The following MARCHF3 variants were observed in gnomAD, a reference collection of about 807,000 sequenced individuals.
MARCHF3 encodes the protein E3 ubiquitin-protein ligase MARCHF3.
A neutral mutation model predicts 24.2 loss-of-function variants in MARCHF3; 13 were observed. That is an observed-to-expected ratio of 0.54 (90% CI 0.35 to 0.85). The LOEUF (loss-of-function observed/expected upper bound fraction) is 0.85. Ranked by LOEUF, MARCHF3 falls within the 40% of genes least tolerant of loss-of-function variation. MARCHF3 has a pLI of 0.01. For synonymous variants in MARCHF3, 144 were observed against 137.3 expected, an observed-to-expected ratio of 1.05 and a Z score of -0.34; for missense variants, 276 against 325.0, an observed-to-expected ratio of 0.85 and a Z score of 1.16.
intron 1 of MARCHF3, among the ~76,000 whole-genome samples, chr5:127,012,394 AAACT>A (rs1752500675): frequency 6.6e-6 from 1 of 152,204 alleles, no homozygotes; most frequent in African/African-American, 2.4e-5. Context: ...AGTAAATTGA[AAACT>A]AACTAGCAAA....
chr5:126,985,708 C>A (rs988167076), intron 1 of MARCHF3, among the ~76,000 whole-genome samples: 25 of 152,240 alleles, frequency 1.6e-4, no homozygotes, highest in African/African-American at 6.0e-4. Flanking sequence ...ATCTCCTGAC[C>A]TCGTGATCCA....
At chr5:126,991,720 CA>C (rs112503606) in intron 1 of MARCHF3, among the ~76,000 whole-genome samples, 329 of 138,928 alleles carry the variant, frequency 2.4e-3, no homozygotes, top group Middle Eastern at 3.6e-3. Flanking sequence ...GATTCTATTT[CA>C]AAAAAAAAAA....
chr5:126,927,351 G>A (rs1749329106), intron 1 of MARCHF3, among the ~76,000 whole-genome samples: 1 of 152,216 alleles, frequency 6.6e-6, no homozygotes, highest in Non-Finnish European at 1.5e-5. Context: ...CTCTCTTGGT[G>A]ATGATACTTA....
intron 4 of MARCHF3, 79 bp downstream of exon 4, chr5:126,878,106 A>G (rs1168804499): frequency 2.1e-6 from 3 of 1,412,626 alleles, no homozygotes; most frequent in East Asian, 2.3e-5. Context: ...GATGTGTTAC[A>G]GACAAGAGGA....
chr5:126,898,877 A>AT (rs1258287414), intron 3 of MARCHF3: 20 of 981,374 alleles, frequency 2.0e-5, no homozygotes, highest in Non-Finnish European at 2.4e-5. Flanking sequence ...AAAACATTTC[A>AT]TTTTCTTCTT....
chr5:126,963,116 A>G (rs1195352578), intron 1 of MARCHF3, among the ~76,000 whole-genome samples: 3 of 152,138 alleles, frequency 2.0e-5, no homozygotes, highest in Non-Finnish European at 4.4e-5. Context: ...TTAGCCTAGT[A>G]TGCAGCACTG....
intron 1 of MARCHF3, among the ~76,000 whole-genome samples, chr5:126,929,570 A>C (rs1749414221): frequency 6.6e-6 from 1 of 152,240 alleles, no homozygotes; most frequent in Non-Finnish European, 1.5e-5. Context: ...GTTAAATATG[A>C]TTTACACAAA....
At chr5:126,947,356 C>A (rs531701183) in intron 1 of MARCHF3, among the ~76,000 whole-genome samples, 1 of 152,298 alleles carries the variant, frequency 6.6e-6, no homozygotes, top group Non-Finnish European at 1.5e-5. Flanking sequence ...ACCTCTTAAA[C>A]CCTTGATTCC....
chr5:126,952,470 G>A (rs1401213280), intron 1 of MARCHF3, among the ~76,000 whole-genome samples: 3 of 151,976 alleles, frequency 2.0e-5, no homozygotes, highest in Admixed American at 1.3e-4. Flanking sequence ...AACAATTCTT[G>A]ATTTTAGTTC....
chr5:126,914,243 A>C (rs948266361), intron 3 of MARCHF3, among the ~76,000 whole-genome samples: 1 of 152,048 alleles, frequency 6.6e-6, no homozygotes, highest in Non-Finnish European at 1.5e-5. Context: ...TCGGCCTCCC[A>C]AAGTGCTGGG....
intron 4 of MARCHF3, among the ~76,000 whole-genome samples, chr5:126,875,822 C>T (rs770538374): frequency 3.3e-5 from 5 of 152,206 alleles, no homozygotes; most frequent in Admixed American, 6.5e-5. Flanking sequence ...TGTTCTCAGA[C>T]GTTATCTCAC....
intron 1 of MARCHF3, among the ~76,000 whole-genome samples, chr5:126,961,442 T>C (rs1750633457): frequency 1.3e-5 from 2 of 152,148 alleles, no homozygotes; most frequent in South Asian, 2.1e-4. Context: ...ACCATAAGGC[T>C]GATGAAAAGG....
chr5:126,995,363 T>C (rs6891436), intron 1 of MARCHF3, among the ~76,000 whole-genome samples: 85,694 of 152,052 alleles, frequency 0.56, 25,093 homozygotes, highest in East Asian at 0.79. Context: ...GTGCTGTTTA[T>C]TTTGCAGGTT....
chr5:126,933,049 T>G (rs536012106), intron 1 of MARCHF3, among the ~76,000 whole-genome samples: 1 of 152,274 alleles, frequency 6.6e-6, no homozygotes, highest in South Asian at 2.1e-4. Context: ...AGGACCCACT[T>G]AGATGTTTAC....
chr5:126,910,313 C>G (rs1414109209), intron 3 of MARCHF3, among the ~76,000 whole-genome samples: 1 of 152,216 alleles, frequency 6.6e-6, no homozygotes, highest in Non-Finnish European at 1.5e-5. Flanking sequence ...ACTGATGTTA[C>G]AAGCATGCTA....
chr5:127,027,862 G>A (rs1237897177), intron 1 of MARCHF3, among the ~76,000 whole-genome samples: 1 of 152,176 alleles, frequency 6.6e-6, no homozygotes, highest in Non-Finnish European at 1.5e-5. Context: ...AGGGATCCCT[G>A]GCATCAGAAT....
intron 1 of MARCHF3, among the ~76,000 whole-genome samples, chr5:126,979,812 G>A (rs1438967113): frequency 6.6e-6 from 1 of 151,922 alleles, no homozygotes. Flanking sequence ...GTCAGGTTTG[G>A]TGGTGCATGC....
At chr5:126,887,582 G>A (rs1753548346) in intron 3 of MARCHF3, among the ~76,000 whole-genome samples, 1 of 152,168 alleles carries the variant, frequency 6.6e-6, no homozygotes, top group African/African-American at 2.4e-5. Context: ...TTAAGAACAT[G>A]ATTCTGAGAA....
chr5:127,023,212 T>C (rs965244651), intron 1 of MARCHF3, among the ~76,000 whole-genome samples: 4 of 152,196 alleles, frequency 2.6e-5, no homozygotes, highest in Non-Finnish European at 5.9e-5. Flanking sequence ...CCATATATAA[T>C]GAAATCCACC....
Sources: allele counts gnomAD v4.1 joint callset (sites outside exome capture counted in the v4.1 genomes callset), GRCh38; gene constraint gnomAD v4.1.1; transcripts MANE v1.5; gene names NCBI Gene and HGNC (gene_info 2026-07-23, HGNC 2026-07-21).